Variants in ASTN2 observed in about 807,000 individuals in gnomAD.
The protein encoded by ASTN2 is astrotactin-2.
Under a neutral mutation model 139.8 loss-of-function variants are expected in ASTN2, and 54 were observed. The ratio of observed to expected loss-of-function variants is 0.39; its 90% CI spans 0.31 to 0.48. ASTN2 has a LOEUF of 0.48. Ranked by LOEUF, ASTN2 falls within the 20% of genes least tolerant of loss-of-function variation. The pLI is 0.95. For synonymous variants in ASTN2, 756 were observed against 719.5 expected, an observed-to-expected ratio of 1.05 and a Z score of -0.81; for missense variants, 1,565 against 1,725.1, an observed-to-expected ratio of 0.91 and a Z score of 1.64.
In ASTN2 at chr9:117,406,472, T is replaced by C. The variant is rs74667610; in HGVS notation, c.442+8025A>G. On this transcript the variant is annotated intron_variant, in intron 1 of 22. Transcript: ENST00000313400. The stretch of plus-strand genomic sequence containing the variant: ...ACTGTTCTTTTCTTCTCTGACGTCT[T>C]GTCCTGCCACCCCCCTCCTCCACCA... Among the ~76,000 whole-genome samples, 33 of 152,260 alleles carry C rather than the reference T, an allele frequency of 2.2e-4. No individual in the cohort carries two copies. In the East Asian group the frequency reaches 5.4e-3, roughly 25 times the overall value.
intron 3 of ASTN2, among the ~76,000 whole-genome samples, chr9:117,193,431 A>G (rs1434330309): frequency 6.6e-6 from 1 of 151,946 alleles, no homozygotes; most frequent in Non-Finnish European, 1.5e-5. Flanking sequence ...TGAGGTGAGG[A>G]GATCGAGACC....
intron 3 of ASTN2, among the ~76,000 whole-genome samples, chr9:117,193,215 C>G (rs1419888470): frequency 6.6e-6 from 1 of 152,104 alleles, no homozygotes; most frequent in Admixed American, 6.6e-5. Flanking sequence ...GGACACAGGA[C>G]AGAACTATGA....
chr9:116,498,343 G>A lies in ASTN2; in HGVS notation c.3356-10843C>T, dbSNP rs1405546502. ...CCCATGCCTGTAATCCCAGTTCTTGGGGAAGCTAAGGCAGGAGGATCACTT... is the reference window on the plus strand; with the variant it reads ...CCCATGCCTGTAATCCCAGTTCTTGAGGAAGCTAAGGCAGGAGGATCACTT... On this transcript the variant is annotated intron_variant, in intron 19 of 22. Transcript: ENST00000313400. 2.0e-5 allele frequency among the ~76,000 whole-genome samples: 3 copies of A among 152,102 alleles called. No homozygotes were observed. In the East Asian group the frequency reaches 5.8e-4, roughly 29 times the overall value.
intron 19 of ASTN2, among the ~76,000 whole-genome samples, chr9:116,500,118 C>T (rs1311257570): frequency 6.6e-6 from 1 of 152,178 alleles, no homozygotes; most frequent in Non-Finnish European, 1.5e-5. Flanking sequence ...TCACCCTTTG[C>T]TACAGCACCT....
chr9:117,326,802 G>C (rs2130841364), intron 1 of ASTN2, among the ~76,000 whole-genome samples: 1 of 152,290 alleles, frequency 6.6e-6, no homozygotes, highest in South Asian at 2.1e-4. Flanking sequence ...CAAGATAAAA[G>C]AGTGCTGAAT....
At chr9:117,083,456 G>C (rs941746699) in intron 5 of ASTN2, among the ~76,000 whole-genome samples, 8 of 152,172 alleles carry the variant, frequency 5.3e-5, no homozygotes, top group African/African-American at 1.9e-4. Flanking sequence ...CTGACAGTCA[G>C]GATTAAATAA....
intron 5 of ASTN2, among the ~76,000 whole-genome samples, chr9:117,045,298 C>G (rs1439581203): frequency 2.1e-5 from 3 of 145,742 alleles, no homozygotes; most frequent in Admixed American, 6.9e-5. Flanking sequence ...TAAATGATAG[C>G]TGCAGATCAT....
At chr9:116,564,414 C>T (rs1401936858) in intron 19 of ASTN2, among the ~76,000 whole-genome samples, 2 of 152,192 alleles carry the variant, frequency 1.3e-5, no homozygotes, top group Non-Finnish European at 2.9e-5. Context: ...CCACCCTAAA[C>T]ATCTCATTCA....
At chr9:116,590,368 C>G (rs558633532) in intron 19 of ASTN2, among the ~76,000 whole-genome samples, 1 of 152,350 alleles carries the variant, frequency 6.6e-6, no homozygotes, top group East Asian at 1.9e-4. Flanking sequence ...ACTGTTGTGA[C>G]CTGGCTGGGT....
intron 22 of ASTN2, among the ~76,000 whole-genome samples, chr9:116,432,956 G>T (rs148093548): frequency 2.8e-4 from 43 of 151,968 alleles, no homozygotes; most frequent in African/African-American, 1.0e-3. Flanking sequence ...AAGAAAGGAA[G>T]GAAGGAGGGA....
chr9:116,792,081 GC>G (rs1439340812), intron 13 of ASTN2, among the ~76,000 whole-genome samples: 16 of 151,806 alleles, frequency 1.1e-4, no homozygotes, highest in Non-Finnish European at 1.3e-4. Context: ...AATTAAAGTG[GC>G]TATTTTTCTT....
At chr9:116,720,666 T>C (rs1346535843) in intron 16 of ASTN2, among the ~76,000 whole-genome samples, 1 of 151,364 alleles carries the variant, frequency 6.6e-6, no homozygotes, top group Middle Eastern at 3.2e-3. Flanking sequence ...TTCTTTCACA[T>C]ACACACATCT....
At chr9:116,885,835 T>C (rs1469210504) in intron 10 of ASTN2, among the ~76,000 whole-genome samples, 1 of 152,168 alleles carries the variant, frequency 6.6e-6, no homozygotes, top group Non-Finnish European at 1.5e-5. Context: ...AATAAGGCTG[T>C]TTGCTCATTC....
chr9:116,731,831 C>T (rs1426262658), intron 14 of ASTN2, among the ~76,000 whole-genome samples: 1 of 152,186 alleles, frequency 6.6e-6, no homozygotes, highest in African/African-American at 2.4e-5. Flanking sequence ...AAGCACAGCA[C>T]CTCCTCACAG....
intron 16 of ASTN2, among the ~76,000 whole-genome samples, chr9:116,715,462 T>TCC (rs969279032): frequency 2.0e-5 from 3 of 152,132 alleles, no homozygotes; most frequent in African/African-American, 7.2e-5. Context: ...GCGTGGAGTC[T>TCC]CCTTCCTCCC....
chr9:116,625,599 T>C (rs1322211002), intron 17 of ASTN2, among the ~76,000 whole-genome samples: 2 of 152,170 alleles, frequency 1.3e-5, no homozygotes, highest in Admixed American at 1.3e-4. Flanking sequence ...TTGGAGCCTT[T>C]TGAATGTTCC....
At chr9:116,808,128 A>G (rs1831074882) in intron 12 of ASTN2, among the ~76,000 whole-genome samples, 1 of 152,120 alleles carries the variant, frequency 6.6e-6, no homozygotes. Context: ...ACAAAACAAA[A>G]CAAAACAAGA....
At position 116,620,316 on chromosome 9, in the gene ASTN2, T is replaced by C. The variant is rs766071794; in HGVS notation, c.3200A>G (p.Gln1067Arg). ...AGGGGCCATACATACGTACACCGGC[T>C]GCAGAAGGGGGCTGCAGTTGGGGAG... ...NGLPNCSPLLQPVLRLSPTVE... is the reference protein window; with the variant it reads ...NGLPNCSPLLRPVLRLSPTVE... The change falls in exon 18 of 23, where the codon CAG becomes CGG. Residue 1067 changes from glutamine (Q) to arginine (R), a missense_variant. Transcript: ENST00000313400. 6.2e-7 allele frequency: 1 copy of C among 1,614,110 alleles called. No individual in the cohort carries two copies. Among genetic ancestry groups the C allele is most frequent in the East Asian group, 2.2e-5 (1 of 44,876 alleles).
intron 1 of ASTN2, among the ~76,000 whole-genome samples, chr9:117,337,331 G>C (rs1166707873): frequency 6.6e-6 from 1 of 152,138 alleles, no homozygotes; most frequent in East Asian, 1.9e-4. Context: ...GGGTTGCAGA[G>C]ATCAAAATTC....
Sources: gnomAD v4.1 joint callset for allele counts (sites outside exome capture counted in the v4.1 genomes callset) on GRCh38, gnomAD v4.1.1 for gene constraint, MANE v1.5 for transcripts, NCBI Gene and HGNC (gene_info 2026-07-23, HGNC 2026-07-21) for gene names.